POF1B: variants seen among roughly 807,000 people sequenced by gnomAD.
The protein encoded by POF1B is protein POF1B.
In POF1B, 53 loss-of-function variants were observed where a neutral mutation model predicts 55.3. That is an observed-to-expected ratio of 0.96 (90% CI 0.77 to 1.20). The LOEUF (loss-of-function observed/expected upper bound fraction) is 1.20. Among genes scored for constraint, POF1B ranks in the 50% most tolerant of loss-of-function variants. POF1B has a pLI of 0.00. For missense variants in POF1B, 478 were observed against 420.5 expected (o/e 1.14, Z -1.20); for synonymous variants, 188 against 148.3 (o/e 1.27, Z -1.95).
chrX:85,319,440 T>A (rs1038252336), intron 7 of POF1B, among the ~76,000 whole-genome samples: 2 of 111,226 alleles, frequency 1.8e-5, no homozygotes, highest in Non-Finnish European at 3.8e-5. Context: ...CATTCTTATC[T>A]TGTTCCGGTT....
chrX:85,339,264 T>A (rs1933129872), intron 6 of POF1B, among the ~76,000 whole-genome samples: 1 of 110,232 alleles, frequency 9.1e-6, no homozygotes, highest in South Asian at 3.9e-4. Flanking sequence ...TGAGACTTAC[T>A]CACTATCACA....
At position 85,379,423 on chromosome X, in the gene POF1B, C is replaced by T. The variant is rs1378839807; in HGVS notation, c.32G>A (p.Ser11Asn). ...GAGCTGCTGGGTTCCACAGCTGCTG[C>T]TGCTCGTCTCACTCCAATAGCTCGA... MSSSYWSETS[S>N]SSCGTQQLPE... Residue 11 changes from serine (S) to asparagine (N), a missense_variant, in exon 2 of 17, where the codon AGC becomes AAC. By Grantham distance (46) the Ser-to-Asn change is conservative (BLOSUM62 1). Transcript: ENST00000262753. 1.7e-6 allele frequency: 2 copies of T among 1,209,472 alleles called. No individual in the cohort carries two copies. The highest frequency in any genetic ancestry group is 5.9e-5 in the East Asian group (2 of 33,754).
chrX:85,313,447 T>C (rs1013307230), intron 9 of POF1B, among the ~76,000 whole-genome samples: 1 of 112,172 alleles, frequency 8.9e-6, no homozygotes, highest in African/African-American at 3.2e-5. Context: ...GTGGTTTTTG[T>C]CATTGATTCT....
chrX:85,374,014 T>A (rs1312512238), intron 2 of POF1B, among the ~76,000 whole-genome samples: 3 of 111,444 alleles, frequency 2.7e-5, no homozygotes, highest in Non-Finnish European at 5.7e-5. Context: ...GCCTTGAAAG[T>A]CAGACTAAGC....
intron 4 of POF1B, among the ~76,000 whole-genome samples, chrX:85,354,940 G>A (rs373114515): frequency 9.0e-5 from 10 of 110,828 alleles, no homozygotes; most frequent in East Asian, 8.6e-4. Context: ...CTTTCTTCAC[G>A]GAATTGGAAA....
At chrX:85,360,625 T>C (rs1056509368) in intron 3 of POF1B, among the ~76,000 whole-genome samples, 1 of 103,148 alleles carries the variant, frequency 9.7e-6, no homozygotes, top group African/African-American at 3.7e-5. Flanking sequence ...ATCTTTGCCT[T>C]TGTGAACAGT....
intron 3 of POF1B, 73 bp from the exon 4 acceptor site, chrX:85,359,703 G>T: frequency 2.9e-6 from 2 of 692,870 alleles, no homozygotes; most frequent in South Asian, 2.7e-5. Flanking sequence ...TAATAATAGG[G>T]AACAATTTCC....
Position 85,279,243 on chromosome X carries a change from A to G in POF1B, c.*178T>C, listed in dbSNP as rs1931843626. On this transcript the variant is annotated 3_prime_UTR_variant, in exon 17 of 17. Coordinates refer to ENST00000262753, the MANE Select transcript of POF1B (RefSeq NM_024921.4). ...TTATGGAAAAGATTTAGGTCTCATAAATGGGTGAAGAAATTGTCATCTACA... is the reference window on the plus strand; with the variant it reads ...TTATGGAAAAGATTTAGGTCTCATAGATGGGTGAAGAAATTGTCATCTACA... 4 of 441,959 alleles carry G rather than the reference A, an allele frequency of 9.1e-6. No individual in the cohort carries two copies. The Admixed American group carries it at 1.6e-4, about 18-fold the overall frequency. 36.4% of individuals were successfully genotyped at this position (441,959 alleles called of 1,213,427 possible).
intron 15 of POF1B, among the ~76,000 whole-genome samples, chrX:85,286,539 A>G (rs1354955925): frequency 9.0e-6 from 1 of 111,682 alleles, no homozygotes; most frequent in Non-Finnish European, 1.9e-5. Context: ...GCTATTTACA[A>G]AAACCATACA....
chrX:85,373,017 C>T (rs955348234), intron 2 of POF1B, among the ~76,000 whole-genome samples: 13 of 109,628 alleles, frequency 1.2e-4, no homozygotes, highest in African/African-American at 4.3e-4. Context: ...ACCCTGAATT[C>T]TAGGATTATT....
intron 16 of POF1B, among the ~76,000 whole-genome samples, chrX:85,280,555 A>G (rs1166221129): frequency 9.0e-6 from 1 of 111,501 alleles, no homozygotes; most frequent in Non-Finnish European, 1.9e-5. Context: ...TTTAATCAGT[A>G]TCCATCCCAC....
At chrX:85,288,089 ATTT>A (rs1932095676) in intron 15 of POF1B, among the ~76,000 whole-genome samples, 1 of 111,800 alleles carries the variant, frequency 8.9e-6, no homozygotes, top group Admixed American at 9.5e-5. Context: ...AAAATTACAT[ATTT>A]TTTAAAAATT....
chrX:85,353,598 A>G (rs1933429934), intron 4 of POF1B, among the ~76,000 whole-genome samples: 1 of 111,160 alleles, frequency 9.0e-6, no homozygotes, highest in Non-Finnish European at 1.9e-5. Flanking sequence ...TCCCTTTAAC[A>G]TGTCACAAAT....
chrX:85,379,051 A>G (rs1933967189), intron 2 of POF1B, 122 bp downstream of exon 2: 2 of 807,645 alleles, frequency 2.5e-6, no homozygotes, highest in Non-Finnish European at 3.5e-6. Flanking sequence ...TATCCAAGGC[A>G]TATATAACTG....
intron 7 of POF1B, among the ~76,000 whole-genome samples, chrX:85,321,653 G>T (rs1318270498): frequency 9.6e-6 from 1 of 104,118 alleles, no homozygotes. Context: ...AAGTCAAATT[G>T]TCCCTGTTTG....
intron 7 of POF1B, among the ~76,000 whole-genome samples, chrX:85,321,010 G>C (rs145085950): frequency 0.21 from 23,460 of 109,982 alleles, 2,442 homozygotes; most frequent in African/African-American, 0.4. Context: ...TTCTACCAGA[G>C]GTACAAGGAG....
chrX:85,306,182 T>C lies in POF1B; in HGVS notation c.1316A>G (p.Gln439Arg). The C allele has an allele frequency of 8.4e-7, 1 of 1,195,099 alleles. No individual in the cohort carries two copies. The highest frequency in any genetic ancestry group is 1.1e-6 in the Non-Finnish European group (1 of 883,659). The change falls in exon 12 of 17, where the codon CAG becomes CGG. Residue 439 changes from glutamine (Q) to arginine (R), a missense_variant and splice_region_variant. Gln to Arg is a conservative substitution (Grantham distance 43, BLOSUM62 1). Coordinates refer to ENST00000262753, the MANE Select transcript of POF1B (RefSeq NM_024921.4). ...ATATTTAAAAGGAAGTTTTAATACC[T>C]GCATTCTAAGGTTTTGATTCTCTTG... ...LEQENQNLRMQVSETCTGPML... is the reference protein window; with the variant it reads ...LEQENQNLRMRVSETCTGPML...
At chrX:85,333,964 G>A (rs1327683291) in intron 6 of POF1B, among the ~76,000 whole-genome samples, 1 of 100,339 alleles carries the variant, frequency 1.0e-5, no homozygotes, top group African/African-American at 3.6e-5. Context: ...GAGGGGGGAG[G>A]GCTGAGGGAA....
intron 15 of POF1B, among the ~76,000 whole-genome samples, chrX:85,286,021 G>T (rs1263437666): frequency 9.0e-6 from 1 of 111,503 alleles, no homozygotes. Flanking sequence ...CACCAGAAAA[G>T]ATAAATATGT....
Sources: allele counts gnomAD v4.1 joint callset (sites outside exome capture counted in the v4.1 genomes callset), GRCh38; gene constraint gnomAD v4.1.1; transcripts MANE v1.5; gene names NCBI Gene and HGNC (gene_info 2026-07-23, HGNC 2026-07-21).